Variants in DPP10 observed in about 807,000 individuals in gnomAD.
DPP10 encodes inactive dipeptidyl peptidase 10.
DPP10 carries 33 observed loss-of-function variants against 120.9 expected under a neutral mutation model. The ratio of observed to expected loss-of-function variants is 0.27; its 90% confidence interval spans 0.21 to 0.37. DPP10 has a LOEUF of 0.37. DPP10 is among the 10% of genes least tolerant of loss of function. The probability of loss-of-function intolerance (pLI) is 1.00; values close to 1 mark genes in which losing one functional copy is unlikely to be tolerated. For synonymous variants in DPP10, 337 were observed against 326.1 expected (o/e 1.03, Z -0.36); for missense variants, 816 against 942.8 (o/e 0.87, Z 1.76).
intron 1 of DPP10, among the ~76,000 whole-genome samples, chr2:114,728,158 G>A (rs904186177): frequency 2.6e-5 from 4 of 152,256 alleles, no homozygotes; most frequent in South Asian, 4.1e-4. Flanking sequence ...ACTTCTTGGC[G>A]AACAGACCAC....
At chr2:115,520,427 C>G (rs1375312713) in intron 4 of DPP10, among the ~76,000 whole-genome samples, 1 of 152,138 alleles carries the variant, frequency 6.6e-6, no homozygotes, top group Non-Finnish European at 1.5e-5. Context: ...AGAAGACTTA[C>G]ATTTTTGTCT....
At chr2:115,028,975 T>C (rs541864304) in intron 1 of DPP10, among the ~76,000 whole-genome samples, 17 of 152,194 alleles carry the variant, frequency 1.1e-4, no homozygotes, top group South Asian at 8.3e-4. Flanking sequence ...TTCTTCTAGA[T>C]AGTATTTAGT....
At chr2:115,682,418 A>G (rs2090723897) in intron 5 of DPP10, among the ~76,000 whole-genome samples, 1 of 151,920 alleles carries the variant, frequency 6.6e-6, no homozygotes, top group African/African-American at 2.4e-5. Flanking sequence ...TTAAATATCA[A>G]TTACTGAAAA....
At chr2:115,064,019 C>T (rs573639269) in intron 1 of DPP10, among the ~76,000 whole-genome samples, 103 of 152,062 alleles carry the variant, frequency 6.8e-4, no homozygotes, top group African/African-American at 2.4e-3. Flanking sequence ...TTAAAATTTG[C>T]CCAATTTACT....
intron 1 of DPP10, among the ~76,000 whole-genome samples, chr2:114,507,424 A>C (rs1258258489): frequency 6.6e-6 from 1 of 152,158 alleles, no homozygotes; most frequent in African/African-American, 2.4e-5. Context: ...AAACAAGAAG[A>C]TTACACCATT....
At chr2:115,089,101 A>G (rs948930218) in intron 1 of DPP10, among the ~76,000 whole-genome samples, 2 of 152,048 alleles carry the variant, frequency 1.3e-5, no homozygotes, top group East Asian at 1.9e-4. Context: ...ACTTCTTGAC[A>G]TCTTCAGCCT....
At chr2:115,210,007 C>T (rs2105345216) in intron 1 of DPP10, among the ~76,000 whole-genome samples, 1 of 152,020 alleles carries the variant, frequency 6.6e-6, no homozygotes, top group South Asian at 2.1e-4. Context: ...GAGTCGTCTT[C>T]TCTTTTTATT....
At chr2:115,680,045 C>T (rs1367599857) in intron 5 of DPP10, among the ~76,000 whole-genome samples, 1 of 151,774 alleles carries the variant, frequency 6.6e-6, no homozygotes, top group Non-Finnish European at 1.5e-5. Flanking sequence ...GATGAGTATG[C>T]TAATTACACA....
chr2:114,779,432 G>T (rs1258628367), intron 1 of DPP10, among the ~76,000 whole-genome samples: 1 of 152,072 alleles, frequency 6.6e-6, no homozygotes, highest in African/African-American at 2.4e-5. Context: ...AACCACCTCT[G>T]ATCAAAGTTA....
At chr2:115,408,559 C>T (rs1440106322) in intron 3 of DPP10, among the ~76,000 whole-genome samples, 2 of 152,078 alleles carry the variant, frequency 1.3e-5, no homozygotes, top group Non-Finnish European at 2.9e-5. Flanking sequence ...TCAAAGGGAC[C>T]ATATGCTAAG....
intron 1 of DPP10, among the ~76,000 whole-genome samples, chr2:115,192,341 T>A (rs776309408): frequency 1.5e-4 from 23 of 152,358 alleles, no homozygotes; most frequent in African/African-American, 5.5e-4. Context: ...TACTTTGGAA[T>A]GGCCTTAAGC....
intron 5 of DPP10, among the ~76,000 whole-genome samples, chr2:115,598,792 GTTTCTC>G (rs1376253375): frequency 2.2e-5 from 3 of 137,664 alleles, no homozygotes; most frequent in African/African-American, 8.1e-5. Context: ...TAATTTCCTA[GTTTCTC>G]TTCAGCCTGA....
chr2:114,701,206 G>A (rs571911705), intron 1 of DPP10, among the ~76,000 whole-genome samples: 1 of 152,200 alleles, frequency 6.6e-6, no homozygotes, highest in Admixed American at 6.5e-5. Context: ...CATTTGTGGA[G>A]TGCTTTCTAT....
chr2:115,339,803 T>C (rs982555800), intron 2 of DPP10, among the ~76,000 whole-genome samples: 1 of 152,126 alleles, frequency 6.6e-6, no homozygotes, highest in Non-Finnish European at 1.5e-5. Context: ...TGCCAAGGGA[T>C]TGGGTGGGGG....
chr2:115,525,685 C>G (rs557231847), intron 4 of DPP10, among the ~76,000 whole-genome samples: 1 of 151,766 alleles, frequency 6.6e-6, no homozygotes, highest in African/African-American at 2.4e-5. Context: ...TATTAGCAAA[C>G]CTGTTCTTAC....
chr2:115,529,500 T>C (rs1014082070), intron 5 of DPP10, among the ~76,000 whole-genome samples: 7 of 151,560 alleles, frequency 4.6e-5, no homozygotes, highest in Non-Finnish European at 8.8e-5. Context: ...TTTATTTTAT[T>C]AAGTGTATGG....
chr2:114,789,500 C>T (rs886246279), intron 1 of DPP10, among the ~76,000 whole-genome samples: 17 of 152,096 alleles, frequency 1.1e-4, no homozygotes, highest in African/African-American at 3.9e-4. Context: ...TCTCAGAATG[C>T]GGTTTCTGAG....
intron 1 of DPP10, among the ~76,000 whole-genome samples, chr2:115,086,090 T>C (rs543643929): frequency 2.0e-4 from 30 of 152,362 alleles, no homozygotes; most frequent in Middle Eastern, 6.8e-3. Context: ...AGCCATCCTT[T>C]GTTGGGAAAG....
intron 1 of DPP10, among the ~76,000 whole-genome samples, chr2:114,844,344 A>G (rs566968210): frequency 1.3e-5 from 2 of 152,078 alleles, no homozygotes; most frequent in East Asian, 3.9e-4. Flanking sequence ...CAGCGGTCAG[A>G]ATAAGAGCTC....
Sources: gnomAD v4.1 joint callset for allele counts (sites outside exome capture counted in the v4.1 genomes callset) on GRCh38, gnomAD v4.1.1 for gene constraint, MANE v1.5 for transcripts, NCBI Gene and HGNC (gene_info 2026-07-23, HGNC 2026-07-21) for gene names.